LZTS1: variants seen among roughly 807,000 people sequenced by gnomAD.
LZTS1 encodes leucine zipper putative tumor suppressor 1.
Under a neutral mutation model 45.8 loss-of-function variants are expected in LZTS1, and 31 were observed. The observed-to-expected ratio is 0.68, with a 90% CI of 0.51 to 0.91. The LOEUF (loss-of-function observed/expected upper bound fraction) is 0.91, where lower values mean the gene tolerates loss of function less well. Among genes scored for constraint, LZTS1 ranks in the 40% least tolerant of loss-of-function variants. The pLI, the probability that LZTS1 is intolerant of heterozygous loss-of-function variation, is 0.00. For missense variants in LZTS1, 821 were observed against 788.9 expected, an observed-to-expected ratio of 1.04 and a Z score of -0.49; for synonymous variants, 359 against 357.3, an observed-to-expected ratio of 1.00 and a Z score of -0.05.
intron 1 of LZTS1, among the ~76,000 whole-genome samples, chr8:20,280,782 C>T (rs1354600090): frequency 1.3e-5 from 2 of 152,168 alleles, no homozygotes; most frequent in Admixed American, 1.3e-4. Context: ...CCCATCCTTC[C>T]TCCTTAGATC....
rs1302883494 is a variant in LZTS1 at position 20,249,498 on chromosome 8, C to T, written c.*224G>A. On this transcript the variant is annotated 3_prime_UTR_variant, in exon 4 of 4. Coordinates refer to ENST00000381569, the MANE Select transcript of LZTS1 (RefSeq NM_021020.5). ...CCCCTGGACCCATCTCCTGGGAAAG[C>T]CAGAGGAGTCAGGGCCTGACGTCTG... The T allele has an allele frequency of 1.7e-6, 1 of 590,290 alleles. No homozygotes were observed. The highest frequency in any genetic ancestry group is 3.0e-6 in the Non-Finnish European group (1 of 337,152). 36.6% of individuals were successfully genotyped at this position (590,290 alleles called of 1,614,324 possible).
Position 20,249,862 on chromosome 8 carries a change from C to A in LZTS1, c.1651G>T (p.Val551Leu). Residue 551 changes from valine to leucine, a missense_variant, in exon 4 of 4, where the codon GTG becomes TTG. Coordinates refer to ENST00000381569, the MANE Select transcript of LZTS1 (RefSeq NM_021020.5). ...CGCTGGTTCCGCTGGTACATGGCCA[C>A]GTAGCTCTGCTGCAGCTGTTTCTGG... The part of the protein sequence containing the change: ...QYQKQLQQSY[V>L]AMYQRNQRLE... 1 of 1,614,212 alleles carries A rather than the reference C, an allele frequency of 6.2e-7. No individual in the cohort carries two copies.
intron 1 of LZTS1, among the ~76,000 whole-genome samples, chr8:20,272,340 C>G (rs1039516393): frequency 6.6e-6 from 1 of 152,148 alleles, no homozygotes; most frequent in African/African-American, 2.4e-5. Context: ...CCTCAAGGGC[C>G]TGTCTTGCTT....
intron 1 of LZTS1, among the ~76,000 whole-genome samples, chr8:20,294,993 G>C (rs564328751): frequency 6.6e-6 from 1 of 152,006 alleles, no homozygotes; most frequent in Admixed American, 6.5e-5. Flanking sequence ...GAGTGTGGGA[G>C]GCAAGGAGCC....
chr8:20,301,137 AAAAAAAAAG>A (rs1801069927), intron 1 of LZTS1, among the ~76,000 whole-genome samples: 1 of 120,156 alleles, frequency 8.3e-6, no homozygotes, highest in South Asian at 2.4e-4. Context: ...AAAAAAAAAA[AAAAAAAAAG>A]TGGGAGCCAG....
At chr8:20,303,329 G>A (rs1302329874) in intron 1 of LZTS1, among the ~76,000 whole-genome samples, 2 of 152,128 alleles carry the variant, frequency 1.3e-5, no homozygotes, top group Non-Finnish European at 2.9e-5. Flanking sequence ...CGGACCGACC[G>A]CCGGACCCTC....
At chr8:20,260,576 G>C (rs946487052) in intron 1 of LZTS1, among the ~76,000 whole-genome samples, 5 of 152,184 alleles carry the variant, frequency 3.3e-5, no homozygotes, top group African/African-American at 1.2e-4. Context: ...AGCAAAATGA[G>C]CTTCCTGGGT....
intron 1 of LZTS1, among the ~76,000 whole-genome samples, chr8:20,268,914 C>T (rs1800419491): frequency 6.6e-6 from 1 of 152,104 alleles, no homozygotes; most frequent in African/African-American, 2.4e-5. Flanking sequence ...CGGCTTCCCA[C>T]TGCTCTGGAG....
intron 1 of LZTS1, among the ~76,000 whole-genome samples, chr8:20,264,497 G>C (rs367664251): frequency 6.6e-6 from 1 of 152,328 alleles, no homozygotes; most frequent in East Asian, 1.9e-4. Context: ...CAGTGAGACA[G>C]AGAGCCCCTG....
chr8:20,280,890 T>TA (rs1800678145), intron 1 of LZTS1, among the ~76,000 whole-genome samples: 1 of 152,152 alleles, frequency 6.6e-6, no homozygotes, highest in Non-Finnish European at 1.5e-5. Context: ...CTCCCAGACT[T>TA]ACCTTCTACC....
chr8:20,283,981 G>T (rs2128897780), intron 1 of LZTS1, among the ~76,000 whole-genome samples: 1 of 152,318 alleles, frequency 6.6e-6, no homozygotes, highest in Middle Eastern at 3.4e-3. Context: ...TCTCAGGGTT[G>T]CCCAAGCAAT....
intron 3 of LZTS1, among the ~76,000 whole-genome samples, chr8:20,251,846 G>A (rs571584980): frequency 2.3e-4 from 35 of 152,252 alleles, no homozygotes; most frequent in African/African-American, 3.4e-4. Flanking sequence ...CATAAACGTC[G>A]ATGACGGAAA....
chr8:20,279,437 C>G (rs1358824108), intron 1 of LZTS1, among the ~76,000 whole-genome samples: 2 of 152,096 alleles, frequency 1.3e-5, no homozygotes, highest in Non-Finnish European at 2.9e-5. Flanking sequence ...TAGCTATTTG[C>G]CTCAGAAATT....
chr8:20,260,779 T>A (rs1800211968), intron 1 of LZTS1, among the ~76,000 whole-genome samples: 1 of 151,988 alleles, frequency 6.6e-6, no homozygotes, highest in South Asian at 2.1e-4. Flanking sequence ...AGGAGAGGGG[T>A]GACTGAAGAA....
At position 20,249,654 on chromosome 8, in the gene LZTS1, G is replaced by T; in HGVS notation, c.*68C>A. Reference sequence around the variant, plus strand: ...TCAGAGGGGTCTGAATTGCTGAGCAGGGGGGATGCACGGGAGAGCCCTGCC... The same window carrying T: ...TCAGAGGGGTCTGAATTGCTGAGCATGGGGGATGCACGGGAGAGCCCTGCC... On this transcript the variant is annotated 3_prime_UTR_variant, in exon 4 of 4. Transcript: ENST00000381569. 4.6e-6 allele frequency: 7 copies of T among 1,531,148 alleles called. No homozygotes were observed. The East Asian group carries it at 9.0e-5, about 20-fold the overall frequency. The allele number at this position is 1,531,148 out of a possible 1,614,324, so 94.8% of individuals were successfully genotyped here.
intron 1 of LZTS1, among the ~76,000 whole-genome samples, chr8:20,263,076 C>T (rs1800275670): frequency 6.6e-6 from 1 of 152,186 alleles, no homozygotes; most frequent in African/African-American, 2.4e-5. Flanking sequence ...TGTTAGTATT[C>T]TTTCTCATTA....
chr8:20,277,949 C>T (rs1271753463), intron 1 of LZTS1, among the ~76,000 whole-genome samples: 2 of 152,166 alleles, frequency 1.3e-5, no homozygotes, highest in African/African-American at 4.8e-5. Context: ...CACCTTGGAA[C>T]GTCTTGCTCA....
At chr8:20,256,087 A>G (rs1800094056) in intron 1 of LZTS1, among the ~76,000 whole-genome samples, 1 of 147,958 alleles carries the variant, frequency 6.8e-6, no homozygotes, top group South Asian at 2.2e-4. Flanking sequence ...AAAAAAAAGA[A>G]GAAGAAGAAA....
chr8:20,270,716 TAA>T (rs1462822074), intron 1 of LZTS1, among the ~76,000 whole-genome samples: 1 of 151,728 alleles, frequency 6.6e-6, no homozygotes, highest in Non-Finnish European at 1.5e-5. Context: ...GTACAAGTCT[TAA>T]AGACACTCCC....
Sources: allele counts gnomAD v4.1 joint callset (sites outside exome capture counted in the v4.1 genomes callset), GRCh38; gene constraint gnomAD v4.1.1; transcripts MANE v1.5; gene names NCBI Gene and HGNC (gene_info 2026-07-23, HGNC 2026-07-21).